CCSER1: variants seen among roughly 807,000 people sequenced by gnomAD.
The protein encoded by CCSER1 is coiled-coil serine rich protein 1, also known as serine-rich coiled-coil domain-containing protein 1.
Under a neutral mutation model 82.0 loss-of-function variants are expected in CCSER1, and 41 were observed. The ratio of observed to expected loss-of-function variants is 0.50; its 90% CI spans 0.39 to 0.65. The LOEUF is 0.65. Ranked by LOEUF, CCSER1 falls within the 30% of genes least tolerant of loss-of-function variation. CCSER1 has a pLI of 0.00. For missense variants in CCSER1, 1,119 were observed against 1,064.2 expected, an observed-to-expected ratio of 1.05 and a Z score of -0.72; for synonymous variants, 414 against 383.9, an observed-to-expected ratio of 1.08 and a Z score of -0.92.
intron 3 of CCSER1, among the ~76,000 whole-genome samples, chr4:90,328,160 T>A (rs1019204650): frequency 6.6e-6 from 1 of 152,138 alleles, no homozygotes; most frequent in East Asian, 1.9e-4. Context: ...ATATTGGAAA[T>A]CTGACAAAAT....
chr4:90,269,601 C>A (rs979014434), intron 1 of CCSER1, among the ~76,000 whole-genome samples: 3 of 151,680 alleles, frequency 2.0e-5, no homozygotes, highest in Non-Finnish European at 2.9e-5. Context: ...AAATAAACAA[C>A]ACAACAGTGC....
intron 5 of CCSER1, among the ~76,000 whole-genome samples, chr4:90,476,154 A>T (rs1302513015): frequency 6.6e-6 from 1 of 152,022 alleles, no homozygotes; most frequent in Non-Finnish European, 1.5e-5. Context: ...TCGCCTTTAG[A>T]TCTGGGCACT....
At chr4:90,812,183 CTCTT>C (rs35344179) in intron 7 of CCSER1, among the ~76,000 whole-genome samples, 11,162 of 152,078 alleles carry the variant, frequency 0.073, 536 homozygotes, top group Non-Finnish European at 0.11. Flanking sequence ...AGGCCACTCT[CTCTT>C]TTCACATTTT....
At chr4:90,289,280 C>T (rs189812480) in intron 1 of CCSER1, among the ~76,000 whole-genome samples, 1 of 151,944 alleles carries the variant, frequency 6.6e-6, no homozygotes, top group East Asian at 1.9e-4. Flanking sequence ...GAGCATATAA[C>T]AGTCAGAAAA....
At chr4:91,321,549 AAGTC>A (rs2149265356) in intron 10 of CCSER1, among the ~76,000 whole-genome samples, 1 of 152,222 alleles carries the variant, frequency 6.6e-6, no homozygotes, top group African/African-American at 2.4e-5. Flanking sequence ...ATGCTATTCG[AAGTC>A]AGTCCATTTA....
intron 5 of CCSER1, among the ~76,000 whole-genome samples, chr4:90,600,594 C>A (rs59448056): frequency 6.6e-6 from 1 of 152,086 alleles, no homozygotes; most frequent in Middle Eastern, 3.4e-3. Context: ...GAAAGATTTT[C>A]TTCCAGACTC....
At chr4:91,540,886 A>G (rs56197903) in intron 10 of CCSER1, among the ~76,000 whole-genome samples, 10,582 of 152,180 alleles carry the variant, frequency 0.07, 551 homozygotes, top group South Asian at 0.16. Flanking sequence ...GTGGGCTCTC[A>G]GTTACACGCC....
At chr4:90,634,451 T>G (rs1037432277) in intron 6 of CCSER1, among the ~76,000 whole-genome samples, 4 of 151,864 alleles carry the variant, frequency 2.6e-5, no homozygotes, top group Non-Finnish European at 5.9e-5. Context: ...TTTGGTTTTT[T>G]TTCAGCGTAA....
At chr4:90,511,829 A>T (rs1771573817) in intron 5 of CCSER1, among the ~76,000 whole-genome samples, 1 of 152,200 alleles carries the variant, frequency 6.6e-6, no homozygotes, top group Non-Finnish European at 1.5e-5. Flanking sequence ...TAATCTAGTT[A>T]ACCTTTAGAG....
chr4:90,552,221 T>C (rs2153641701), intron 5 of CCSER1, among the ~76,000 whole-genome samples: 1 of 152,286 alleles, frequency 6.6e-6, no homozygotes, highest in South Asian at 2.1e-4. Flanking sequence ...ATAGCACCAT[T>C]GTATCCTCAG....
At chr4:91,540,727 G>A (rs1340277236) in intron 10 of CCSER1, among the ~76,000 whole-genome samples, 1 of 152,146 alleles carries the variant, frequency 6.6e-6, no homozygotes, top group Admixed American at 6.6e-5. Flanking sequence ...TGTGAAGGAT[G>A]TAAGATCTGT....
At chr4:90,860,435 A>C (rs1363853397) in intron 8 of CCSER1, among the ~76,000 whole-genome samples, 2 of 151,638 alleles carry the variant, frequency 1.3e-5, no homozygotes, top group Admixed American at 1.3e-4. Flanking sequence ...CTTTGGAAAA[A>C]GTTTTAATTT....
intron 10 of CCSER1, among the ~76,000 whole-genome samples, chr4:91,451,292 T>C (rs114846780): frequency 0.019 from 2,841 of 152,100 alleles, 78 homozygotes; most frequent in African/African-American, 0.062. Context: ...GCTTCAAACA[T>C]TAAGACTGTG....
chr4:90,192,942 A>G (rs551281932), intron 1 of CCSER1, among the ~76,000 whole-genome samples: 9 of 152,220 alleles, frequency 5.9e-5, no homozygotes, highest in African/African-American at 1.9e-4. Flanking sequence ...TTTCCTTTCC[A>G]GAGAACAGCT....
intron 7 of CCSER1, among the ~76,000 whole-genome samples, chr4:90,805,790 C>T (rs1267909194): frequency 6.6e-6 from 1 of 152,052 alleles, no homozygotes; most frequent in Non-Finnish European, 1.5e-5. Context: ...TGCATTTTTA[C>T]AAGCACAGGG....
chr4:90,497,339 G>A (rs1769194008), intron 5 of CCSER1, among the ~76,000 whole-genome samples: 1 of 152,094 alleles, frequency 6.6e-6, no homozygotes, highest in Admixed American at 6.6e-5. Context: ...AAGCCTGTTT[G>A]TATTTACCTG....
intron 10 of CCSER1, among the ~76,000 whole-genome samples, chr4:91,468,087 G>T (rs1433436107): frequency 6.6e-6 from 1 of 152,110 alleles, no homozygotes; most frequent in Admixed American, 6.5e-5. Context: ...CAATAGCAAA[G>T]ACTTGGAACC....
chr4:91,432,559 T>TATC (rs560460209), intron 10 of CCSER1, among the ~76,000 whole-genome samples: 219 of 152,288 alleles, frequency 1.4e-3, no homozygotes, highest in African/African-American at 5.0e-3. Flanking sequence ...GAGAATATGC[T>TATC]ATCAAACTTC....
chr4:90,497,566 T>C (rs1769223532), intron 5 of CCSER1, among the ~76,000 whole-genome samples: 1 of 152,214 alleles, frequency 6.6e-6, no homozygotes, highest in Non-Finnish European at 1.5e-5. Flanking sequence ...TTTAAACTTG[T>C]TGTTTTTAAC....
Sources: gnomAD v4.1 joint callset for allele counts (sites outside exome capture counted in the v4.1 genomes callset) on GRCh38, gnomAD v4.1.1 for gene constraint, MANE v1.5 for transcripts, NCBI Gene and HGNC (gene_info 2026-07-23, HGNC 2026-07-21) for gene names.